The following ZEB2 variants were observed in gnomAD, a reference collection of about 807,000 sequenced individuals.
The protein encoded by ZEB2 is zinc finger E-box-binding homeobox 2.
ZEB2 carries 6 observed loss-of-function variants against 99.9 expected under a neutral mutation model. That is an observed-to-expected ratio of 0.06 (90% CI 0.03 to 0.12). The LOEUF is 0.12. Among genes scored for constraint, ZEB2 ranks in the 10% least tolerant of loss-of-function variants. The pLI, the probability that ZEB2 is intolerant of heterozygous loss-of-function variation, is 1.00. For missense variants in ZEB2, 969 were observed against 1,502.8 expected, an observed-to-expected ratio of 0.64 and a Z score of 5.87; for synonymous variants, 517 against 542.5, an observed-to-expected ratio of 0.95 and a Z score of 0.65.
chr2:144,491,239 A>C (rs1006371969), intron 2 of ZEB2, among the ~76,000 whole-genome samples: 1 of 152,158 alleles, frequency 6.6e-6, no homozygotes, highest in African/African-American at 2.4e-5. Flanking sequence ...GGTTTACTTC[A>C]GAAGAGTCAG....
chr2:144,412,814 T>C (rs1703483607), intron 4 of ZEB2, among the ~76,000 whole-genome samples: 3 of 152,228 alleles, frequency 2.0e-5, no homozygotes, highest in Admixed American at 2.0e-4. Context: ...GTCTCAATCA[T>C]TGAATTGATC....
chr2:144,475,583 C>T (rs1171979808), intron 2 of ZEB2, among the ~76,000 whole-genome samples: 7 of 152,118 alleles, frequency 4.6e-5, no homozygotes, highest in Non-Finnish European at 1.5e-5. Flanking sequence ...AATTAAGATT[C>T]CACAGCAGAC....
chr2:144,441,027 G>A (rs1472179560), intron 2 of ZEB2, among the ~76,000 whole-genome samples: 2 of 148,750 alleles, frequency 1.3e-5, no homozygotes, highest in Non-Finnish European at 3.0e-5. Flanking sequence ...CAAGCAGGGC[G>A]CTCCATGCTT....
chr2:144,467,215 A>G (rs1704284361), intron 2 of ZEB2, among the ~76,000 whole-genome samples: 1 of 152,176 alleles, frequency 6.6e-6, no homozygotes, highest in Admixed American at 6.5e-5. Context: ...TAATTTTTAA[A>G]ATGTGAATTG....
At chr2:144,432,069 C>T (rs904313798) in intron 2 of ZEB2, among the ~76,000 whole-genome samples, 3 of 150,508 alleles carry the variant, frequency 2.0e-5, no homozygotes, top group East Asian at 3.9e-4. Context: ...CCGTGTGACA[C>T]GTGAGTGTTC....
At chr2:144,479,672 C>T (rs913460753) in intron 2 of ZEB2, among the ~76,000 whole-genome samples, 1 of 79,426 alleles carries the variant, frequency 1.3e-5, no homozygotes, top group African/African-American at 5.3e-5. Context: ...AGTGTGTATG[C>T]TACTTTTTTT....
At chr2:144,445,945 G>A (rs10180963) in intron 2 of ZEB2, among the ~76,000 whole-genome samples, 10,382 of 152,166 alleles carry the variant, frequency 0.068, 469 homozygotes, top group Non-Finnish European at 0.1. Context: ...AATTGAAAAC[G>A]TATCCATACT....
Position 144,386,671 on chromosome 2 carries a change from G to A in ZEB2, c.*2780C>T, listed in dbSNP as rs1703087752. ...ACACAGATATGCCCCATGGGCAACA[G>A]AGACCTACATTGCTTTAAAAGAGGC... On this transcript the variant is annotated 3_prime_UTR_variant, in exon 10 of 10. Transcript: ENST00000627532. 1 of 152,144 alleles carries A rather than the reference G, an allele frequency of 6.6e-6. No homozygotes were observed. The highest frequency in any genetic ancestry group is 2.1e-4 in the South Asian group (1 of 4,822). 9.4% of individuals were successfully genotyped at this position (152,144 alleles called of 1,614,324 possible). A position where few individuals can be genotyped will look rare whatever the true frequency, so the allele number is the denominator to read the frequency against.
intron 6 of ZEB2, among the ~76,000 whole-genome samples, chr2:144,402,332 T>C (rs1380227010): frequency 6.6e-6 from 1 of 152,148 alleles, no homozygotes; most frequent in Non-Finnish European, 1.5e-5. Context: ...TAGGGTGTGC[T>C]GAATCTTCCC....
At chr2:144,421,452 G>A (rs1290192232) in intron 4 of ZEB2, among the ~76,000 whole-genome samples, 1 of 152,156 alleles carries the variant, frequency 6.6e-6, no homozygotes, top group Non-Finnish European at 1.5e-5. Context: ...CTTGTAGCTA[G>A]GAAGAAAGAA....
At chr2:144,438,675 C>T (rs1000231580) in intron 2 of ZEB2, among the ~76,000 whole-genome samples, 1 of 152,164 alleles carries the variant, frequency 6.6e-6, no homozygotes, top group Non-Finnish European at 1.5e-5. Context: ...CCAGATTTAT[C>T]TTTGAAATCT....
chr2:144,487,350 A>G (rs990843598), intron 2 of ZEB2, among the ~76,000 whole-genome samples: 3 of 152,222 alleles, frequency 2.0e-5, no homozygotes, highest in Non-Finnish European at 4.4e-5. Flanking sequence ...CAGCCAGCAC[A>G]TATCAGGAAC....
At chr2:144,459,379 G>C (rs548198933) in intron 2 of ZEB2, among the ~76,000 whole-genome samples, 79 of 152,226 alleles carry the variant, frequency 5.2e-4, no homozygotes, top group African/African-American at 1.9e-3. Context: ...TTGATATGTA[G>C]GTACCCAGCA....
intron 2 of ZEB2, among the ~76,000 whole-genome samples, chr2:144,491,063 C>G (rs568645084): frequency 6.6e-6 from 1 of 152,196 alleles, no homozygotes; most frequent in Non-Finnish European, 1.5e-5. Context: ...TAGACCGGAA[C>G]AGCTCAGAAG....
intron 2 of ZEB2, among the ~76,000 whole-genome samples, chr2:144,452,710 T>A (rs1174649484): frequency 1.3e-5 from 2 of 152,130 alleles, no homozygotes; most frequent in Admixed American, 1.3e-4. Flanking sequence ...CTGTCTTTTG[T>A]TTTTCCTTCC....
At chr2:144,425,225 G>A (rs2149889311) in intron 3 of ZEB2, among the ~76,000 whole-genome samples, 1 of 152,326 alleles carries the variant, frequency 6.6e-6, no homozygotes, top group East Asian at 1.9e-4. Flanking sequence ...CATGCTGGCT[G>A]CTATGCCTCT....
intron 2 of ZEB2, among the ~76,000 whole-genome samples, chr2:144,464,916 G>C (rs1276197877): frequency 6.6e-6 from 1 of 152,144 alleles, no homozygotes; most frequent in Non-Finnish European, 1.5e-5. Flanking sequence ...GTTTACCTTT[G>C]ATTAGGTGAG....
intron 2 of ZEB2, among the ~76,000 whole-genome samples, chr2:144,490,145 C>T (rs1175275743): frequency 6.6e-6 from 1 of 152,116 alleles, no homozygotes; most frequent in African/African-American, 2.4e-5. Context: ...TCATTAGAGG[C>T]AATGCAATGG....
intron 2 of ZEB2, among the ~76,000 whole-genome samples, chr2:144,457,658 T>C (rs1022218024): frequency 1.3e-5 from 2 of 152,162 alleles, no homozygotes; most frequent in Non-Finnish European, 2.9e-5. Context: ...CAGGTATTAA[T>C]GGGATCAGTG....
Sources: allele counts gnomAD v4.1 joint callset (sites outside exome capture counted in the v4.1 genomes callset), GRCh38; gene constraint gnomAD v4.1.1; transcripts MANE v1.5; gene names NCBI Gene and HGNC (gene_info 2026-07-23, HGNC 2026-07-21).